CDH12: variants seen among roughly 807,000 people sequenced by gnomAD.
CDH12 encodes cadherin-12.
In CDH12, 41 loss-of-function variants were observed where a neutral mutation model predicts 74.1. The ratio of observed to expected loss-of-function variants is 0.55; its 90% CI spans 0.43 to 0.72. CDH12 has a LOEUF of 0.72. Among genes scored for constraint, CDH12 ranks in the 30% least tolerant of loss-of-function variants. CDH12 has a pLI of 0.00. For synonymous variants in CDH12, 399 were observed against 355.0 expected (o/e 1.12, Z -1.39); for missense variants, 945 against 977.2 (o/e 0.97, Z 0.44).
chr5:22,075,141 T>C (rs1742218926), intron 5 of CDH12, among the ~76,000 whole-genome samples: 1 of 151,740 alleles, frequency 6.6e-6, no homozygotes, highest in African/African-American at 2.4e-5. Flanking sequence ...TAAAAAAGGA[T>C]GAGTTCATGT....
intron 1 of CDH12, among the ~76,000 whole-genome samples, chr5:22,609,585 G>A (rs1278857077): frequency 6.6e-6 from 1 of 152,134 alleles, no homozygotes; most frequent in South Asian, 2.1e-4. Context: ...CATATACAGA[G>A]AAGAGAAATG....
At chr5:22,359,263 A>T (rs371682761) in intron 3 of CDH12, among the ~76,000 whole-genome samples, 1 of 152,334 alleles carries the variant, frequency 6.6e-6, no homozygotes, top group African/African-American at 2.4e-5. Flanking sequence ...AAACAAAAAA[A>T]GGCAGGGGTT....
intron 5 of CDH12, among the ~76,000 whole-genome samples, chr5:22,054,112 A>G (rs910584329): frequency 4.6e-5 from 7 of 152,010 alleles, no homozygotes; most frequent in African/African-American, 1.7e-4. Context: ...GGTCAAGGGC[A>G]TTTTTTAGTG....
At chr5:22,104,929 G>A (rs1744340570) in intron 4 of CDH12, among the ~76,000 whole-genome samples, 1 of 152,076 alleles carries the variant, frequency 6.6e-6, no homozygotes, top group South Asian at 2.1e-4. Flanking sequence ...TTAAGGTGTT[G>A]CTAGGGCTGA....
At chr5:22,815,539 G>C (rs1460949809) in intron 1 of CDH12, among the ~76,000 whole-genome samples, 4 of 152,060 alleles carry the variant, frequency 2.6e-5, no homozygotes, top group South Asian at 4.1e-4. Context: ...GGAGGCTGAG[G>C]GGGGCGGATA....
At chr5:21,812,943 AAG>A (rs1747832823) in intron 9 of CDH12, among the ~76,000 whole-genome samples, 1 of 152,158 alleles carries the variant, frequency 6.6e-6, no homozygotes, top group Non-Finnish European at 1.5e-5. Context: ...TTAGGCTCTG[AAG>A]TCTCAAATGC....
At chr5:22,003,048 A>G (rs187034031) in intron 5 of CDH12, among the ~76,000 whole-genome samples, 65 of 152,232 alleles carry the variant, frequency 4.3e-4, no homozygotes, top group Admixed American at 1.6e-3. Flanking sequence ...TAAAAACTGC[A>G]TAGTTTTCAC....
chr5:22,800,285 C>T (rs1242125565), intron 1 of CDH12, among the ~76,000 whole-genome samples: 1 of 152,184 alleles, frequency 6.6e-6, no homozygotes, highest in East Asian at 1.9e-4. Context: ...GTTGCTCAAA[C>T]TAACTGGTTT....
chr5:21,849,800 G>T (rs996868861), intron 7 of CDH12, among the ~76,000 whole-genome samples: 2 of 151,684 alleles, frequency 1.3e-5, no homozygotes, highest in African/African-American at 4.8e-5. Context: ...TCCCTTTTCT[G>T]GGTCTATACC....
At chr5:21,925,818 T>C (rs1754559544) in intron 6 of CDH12, among the ~76,000 whole-genome samples, 1 of 152,052 alleles carries the variant, frequency 6.6e-6, no homozygotes, top group African/African-American at 2.4e-5. Context: ...CCATGCCTCA[T>C]AACAGTGGGC....
chr5:22,549,810 G>T (rs1738488854), intron 1 of CDH12, among the ~76,000 whole-genome samples: 1 of 152,146 alleles, frequency 6.6e-6, no homozygotes. Flanking sequence ...TTACAGAAGA[G>T]CAAACAGCTG....
intron 1 of CDH12, among the ~76,000 whole-genome samples, chr5:22,697,465 G>T (rs1287258138): frequency 6.6e-6 from 1 of 151,544 alleles, no homozygotes; most frequent in South Asian, 2.1e-4. Flanking sequence ...CCAGCTACTC[G>T]GGAGGCTGAG....
intron 4 of CDH12, among the ~76,000 whole-genome samples, chr5:22,112,794 T>C (rs758858083): frequency 3.3e-5 from 5 of 152,200 alleles, no homozygotes; most frequent in Non-Finnish European, 7.4e-5. Flanking sequence ...TTACCCACTC[T>C]GTAACCTCCT....
At chr5:22,207,269 T>C (rs1751276321) in intron 4 of CDH12, among the ~76,000 whole-genome samples, 1 of 151,656 alleles carries the variant, frequency 6.6e-6, no homozygotes, top group Non-Finnish European at 1.5e-5. Context: ...AAATATTCAT[T>C]ATGCTGATAA....
intron 1 of CDH12, among the ~76,000 whole-genome samples, chr5:22,521,777 T>C (rs959041243): frequency 3.9e-5 from 6 of 152,158 alleles, no homozygotes; most frequent in African/African-American, 1.4e-4. Flanking sequence ...TGAGTTCCAG[T>C]GAAACATTAT....
intron 6 of CDH12, among the ~76,000 whole-genome samples, chr5:21,946,442 C>A (rs1755582940): frequency 6.6e-6 from 1 of 152,020 alleles, no homozygotes; most frequent in African/African-American, 2.4e-5. Flanking sequence ...GCTCAAGGAA[C>A]ATAGAGGAAA....
chr5:21,980,835 TTGC>T (rs1242950439), intron 5 of CDH12, among the ~76,000 whole-genome samples: 2 of 152,120 alleles, frequency 1.3e-5, no homozygotes, highest in Non-Finnish European at 2.9e-5. Flanking sequence ...GTTTTGTAAC[TTGC>T]TTTTTAGATG....
At chr5:22,425,146 T>TGC (rs1743851219) in intron 2 of CDH12, among the ~76,000 whole-genome samples, 1 of 120,388 alleles carries the variant, frequency 8.3e-6, no homozygotes. Context: ...TATATATATG[T>TGC]GTGTGTGTAT....
Position 21,797,796 on chromosome 5 carries a change from T to C in CDH12, c.1256+4371A>G, listed in dbSNP as rs111362686. 9.2e-4 allele frequency among the ~76,000 whole-genome samples: 140 copies of C among 152,306 alleles called. 2 individuals are homozygous for C. Among genetic ancestry groups the C allele is most frequent in the Non-Finnish European group, 2.1e-4 (14 of 68,016 alleles). On this transcript the variant is annotated intron_variant, in intron 10 of 14. Transcript: ENST00000382254. ...TGAATTTGGAACGTGTATCTTTACCTAATAATGTTTTTTACTTAGGAAATT... is the reference window on the plus strand; with the variant it reads ...TGAATTTGGAACGTGTATCTTTACCCAATAATGTTTTTTACTTAGGAAATT...
Sources: allele counts gnomAD v4.1 joint callset (sites outside exome capture counted in the v4.1 genomes callset), GRCh38; gene constraint gnomAD v4.1.1; transcripts MANE v1.5; gene names NCBI Gene and HGNC (gene_info 2026-07-23, HGNC 2026-07-21).